LHFPL3: variants seen among roughly 807,000 people sequenced by gnomAD.
LHFPL3 encodes LHFPL tetraspan subfamily member 3 protein.
A neutral mutation model predicts 19.3 loss-of-function variants in LHFPL3; 5 were observed. The observed-to-expected ratio is 0.26, with a 90% CI of 0.14 to 0.54. The LOEUF (loss-of-function observed/expected upper bound fraction) is 0.54. LHFPL3 is among the 20% of genes least tolerant of loss of function. The pLI is 0.94. For synonymous variants in LHFPL3, 133 were observed against 126.2 expected, an observed-to-expected ratio of 1.05 and a Z score of -0.36; for missense variants, 249 against 307.4, an observed-to-expected ratio of 0.81 and a Z score of 1.42.
chr7:104,548,282 T>C (rs1252477389), intron 1 of LHFPL3, among the ~76,000 whole-genome samples: 3 of 152,118 alleles, frequency 2.0e-5, no homozygotes, highest in African/African-American at 7.2e-5. Context: ...AGCACATAAA[T>C]AGTTCTGTGT....
intron 1 of LHFPL3, among the ~76,000 whole-genome samples, chr7:104,732,639 T>C (rs1793727357): frequency 1.3e-5 from 2 of 152,116 alleles, no homozygotes; most frequent in Non-Finnish European, 1.5e-5. Flanking sequence ...GTCTTGTTAG[T>C]GGTCTATCAA....
At chr7:104,841,194 A>C (rs1241131120) in intron 2 of LHFPL3, among the ~76,000 whole-genome samples, 3 of 152,196 alleles carry the variant, frequency 2.0e-5, no homozygotes, top group Non-Finnish European at 4.4e-5. Flanking sequence ...AAAAATGCAC[A>C]AAAAGTACGT....
intron 1 of LHFPL3, among the ~76,000 whole-genome samples, chr7:104,644,144 C>T (rs903259166): frequency 6.6e-6 from 1 of 152,228 alleles, no homozygotes; most frequent in African/African-American, 2.4e-5. Context: ...CCAAGTACCT[C>T]ATTTATTACC....
At chr7:104,373,367 T>C (rs1317687771) in intron 1 of LHFPL3, among the ~76,000 whole-genome samples, 1 of 152,242 alleles carries the variant, frequency 6.6e-6, no homozygotes, top group Non-Finnish European at 1.5e-5. Context: ...TTGGATGAAC[T>C]TAGGAAACAT....
intron 2 of LHFPL3, among the ~76,000 whole-genome samples, chr7:104,775,321 A>T (rs1794620966): frequency 6.6e-6 from 1 of 152,164 alleles, no homozygotes; most frequent in African/African-American, 2.4e-5. Flanking sequence ...ACTTAAACCC[A>T]GGAGGCAAAG....
Position 104,383,742 on chromosome 7 carries a change from A to G in LHFPL3, c.445+54518A>G, listed in dbSNP as rs1790878890. ...GTAGGAATTGCTTATCCTTTTTTTA[A>G]AAGCTGCAAATTAATAAGAAAGAAA... On this transcript the variant is annotated intron_variant, in intron 1 of 2. Transcript: ENST00000424859. 3.3e-5 allele frequency among the ~76,000 whole-genome samples: 5 copies of G among 152,136 alleles called. No individual in the cohort carries two copies. The South Asian group carries it at 1.0e-3, about 32-fold the overall frequency.
intron 1 of LHFPL3, among the ~76,000 whole-genome samples, chr7:104,600,046 T>G (rs1438688976): frequency 6.6e-6 from 1 of 152,212 alleles, no homozygotes; most frequent in Non-Finnish European, 1.5e-5. Context: ...GAAGTATGGC[T>G]CATCGCTCAT....
rs141877987 is a variant in LHFPL3, at chr7:104,489,433, A to G, written c.445+160209A>G. ...GCAAATTATCTTGCAGATGATGTAC[A>G]TTACTCAGCACAGAGCCTAATGAAG... On this transcript the variant is annotated intron_variant, in intron 1 of 2. Transcript: ENST00000424859. Among the ~76,000 whole-genome samples the G allele has an allele frequency of 3.1e-3, 464 of 151,894 alleles. 4 individuals are homozygous for G. The highest frequency in any genetic ancestry group is 0.011 in the African/African-American group (436 of 41,384).
At chr7:104,609,642 A>G (rs150417804) in intron 1 of LHFPL3, among the ~76,000 whole-genome samples, 4 of 152,326 alleles carry the variant, frequency 2.6e-5, no homozygotes, top group Non-Finnish European at 5.9e-5. Context: ...TGCCCATAAA[A>G]CAGTTAAACA....
At chr7:104,881,250 A>G (rs1337279425) in intron 2 of LHFPL3, among the ~76,000 whole-genome samples, 2 of 152,160 alleles carry the variant, frequency 1.3e-5, no homozygotes, top group Admixed American at 1.3e-4. Flanking sequence ...GGATCTCAGC[A>G]ATGTGAATTG....
chr7:104,714,786 C>G (rs1793356843), intron 1 of LHFPL3, among the ~76,000 whole-genome samples: 1 of 152,124 alleles, frequency 6.6e-6, no homozygotes, highest in South Asian at 2.1e-4. Flanking sequence ...TATAAGCCCT[C>G]TCTACAAAAA....
At chr7:104,479,231 A>G (rs780294061) in intron 1 of LHFPL3, among the ~76,000 whole-genome samples, 2 of 152,172 alleles carry the variant, frequency 1.3e-5, no homozygotes, top group Non-Finnish European at 2.9e-5. Flanking sequence ...GTGCTAACAT[A>G]CAAACACTAA....
At chr7:104,846,082 A>G (rs1408466528) in intron 2 of LHFPL3, among the ~76,000 whole-genome samples, 5 of 152,240 alleles carry the variant, frequency 3.3e-5, no homozygotes, top group African/African-American at 9.6e-5. Context: ...CAAGCCAGAT[A>G]TGGACTCTAG....
chr7:104,742,957 A>C (rs908458015), intron 2 of LHFPL3, among the ~76,000 whole-genome samples: 3 of 151,988 alleles, frequency 2.0e-5, no homozygotes, highest in Non-Finnish European at 4.4e-5. Context: ...TCTCTATTAA[A>C]AATACAAAAA....
At chr7:104,722,395 C>T (rs1231405533) in intron 1 of LHFPL3, among the ~76,000 whole-genome samples, 3 of 152,130 alleles carry the variant, frequency 2.0e-5, no homozygotes, top group Non-Finnish European at 2.9e-5. Context: ...ATTTTCTTTT[C>T]TCCTCTATCT....
intron 2 of LHFPL3, among the ~76,000 whole-genome samples, chr7:104,818,470 G>A (rs1790610604): frequency 6.6e-6 from 1 of 151,500 alleles, no homozygotes; most frequent in Admixed American, 6.6e-5. Flanking sequence ...GAACCTGGGA[G>A]GCGGAGGTTG....
At chr7:104,841,705 T>C (rs1791213661) in intron 2 of LHFPL3, among the ~76,000 whole-genome samples, 1 of 152,206 alleles carries the variant, frequency 6.6e-6, no homozygotes, top group Admixed American at 6.5e-5. Context: ...CTCTTTTTAC[T>C]AGCTATGATA....
At chr7:104,588,581 G>A (rs1197088509) in intron 1 of LHFPL3, among the ~76,000 whole-genome samples, 3 of 152,268 alleles carry the variant, frequency 2.0e-5, no homozygotes, top group South Asian at 2.1e-4. Context: ...TTTGGCTTAG[G>A]ATTGACTTGG....
chr7:104,611,440 C>T (rs1791211851), intron 1 of LHFPL3, among the ~76,000 whole-genome samples: 1 of 152,150 alleles, frequency 6.6e-6, no homozygotes, highest in Admixed American at 6.5e-5. Context: ...CAGCATGGCA[C>T]ACCTTGTGTA....
Sources: allele counts gnomAD v4.1 joint callset (sites outside exome capture counted in the v4.1 genomes callset), GRCh38; gene constraint gnomAD v4.1.1; transcripts MANE v1.5; gene names NCBI Gene and HGNC (gene_info 2026-07-23, HGNC 2026-07-21).